Variants in MYO15B observed in about 807,000 individuals in gnomAD.
MYO15B encodes the protein myosin XVB pseudogene.
Under a neutral mutation model 119.3 loss-of-function variants are expected in MYO15B, and 207 were observed. The observed-to-expected ratio is 1.73, with a 90% CI of 1.55 to 1.95. The LOEUF (loss-of-function observed/expected upper bound fraction) is 1.95. Among genes scored for constraint, MYO15B ranks in the 30% most tolerant of loss-of-function variants. The probability of loss-of-function intolerance (pLI) is 0.00; values close to 1 mark genes in which losing one functional copy is unlikely to be tolerated. For missense variants in MYO15B, 2,264 were observed against 1,203.1 expected (o/e 1.88, Z -13.04); for synonymous variants, 966 against 498.9 (o/e 1.94, Z -12.48).
intron 9 of MYO15B, among the ~76,000 whole-genome samples, chr17:75,593,545 G>A (rs1043437645): frequency 6.6e-6 from 1 of 151,954 alleles, no homozygotes; most frequent in Non-Finnish European, 1.5e-5. Flanking sequence ...GGGAGGTGGA[G>A]GTGGCAGTGA....
At chr17:75,618,086 C>T (rs1255602925) in intron 42 of MYO15B, 40 bp from the exon 43 acceptor site, 9 of 702,502 alleles carry the variant, frequency 1.3e-5, no homozygotes, top group South Asian at 4.4e-5. Flanking sequence ...GGAAGAGGCA[C>T]CAGACCCACC....
chr17:75,588,581 G>A, exon 1 of MYO15B: 1 of 399,300 alleles, frequency 2.5e-6, no homozygotes, highest in East Asian at 3.6e-5. Flanking sequence ...AGCCAGCGCG[G>A]CACAGCCCGG....
Position 75,612,031 on chromosome 17 carries a change from C to G in MYO15B, c.4635+15C>G, listed in dbSNP as rs1217303730. On this transcript the variant is annotated intron_variant, in intron 25 of 63. Coordinates refer to ENST00000645453, the Ensembl canonical transcript of MYO15B. ...TCGGCTTTCAGGTGGGCGCCCAGGC[C>G]TAAGCTCTTCCCGCTGGCCTCACCG... The G allele has an allele frequency of 2.8e-6, 2 of 702,858 alleles. No homozygotes were observed. Among genetic ancestry groups the G allele is most frequent in the South Asian group, 3.0e-5 (2 of 67,600 alleles). 43.5% of individuals were successfully genotyped at this position (702,858 alleles called of 1,614,324 possible).
intron 47 of MYO15B, 34 bp from the exon 48 acceptor site, chr17:75,620,212 T>A: frequency 1.4e-6 from 1 of 702,244 alleles, no homozygotes; most frequent in East Asian, 2.7e-5. Context: ...ACAGGCAGAC[T>A]TGCTGCTCCA....
rs557008123 is a variant in MYO15B at position 75,589,463 on chromosome 17, G to A, written c.1406G>A (p.Arg469Gln). 34,370 of 397,530 alleles carry A rather than the reference G, an allele frequency of 0.086. 1,678 individuals carry two copies. Among genetic ancestry groups the A allele is most frequent in the Middle Eastern group, 0.15 (240 of 1,590 alleles). 24.6% of individuals were successfully genotyped at this position (397,530 alleles called of 1,614,324 possible). ...GGCTGCGGGAAAGCGGACGAGGGGCGGGGTCACGAGAGAGGTGACGAGGGC... is the reference window on the plus strand; with the variant it reads ...GGCTGCGGGAAAGCGGACGAGGGGCAGGGTCACGAGAGAGGTGACGAGGGC... The change falls in exon 1 of 64, where the codon CGG becomes CAG. Residue 469 changes from arginine (R) to glutamine (Q), a missense_variant. Transcript: ENST00000645453. The surrounding 1 kb of genome is among the most constrained non-coding windows in gnomAD (Gnocchi z 4.2).
At chr17:75,606,316 C>T (rs1434368085) in intron 21 of MYO15B, among the ~76,000 whole-genome samples, 2 of 151,392 alleles carry the variant, frequency 1.3e-5, no homozygotes, top group Non-Finnish European at 2.9e-5. Flanking sequence ...TGGGAACAAT[C>T]TTTGTTTTTT....
chr17:75,587,916 G>C (rs2056170988), exon 1 of MYO15B: 2 of 396,310 alleles, frequency 5.0e-6, no homozygotes, highest in East Asian at 7.1e-5. Context: ...CTGTAAGGCG[G>C]GCACCTCGGG....
At chr17:75,605,589 G>A (rs749460132) in exon 20 of MYO15B, 50 of 702,848 alleles carry the variant, frequency 7.1e-5, no homozygotes, top group Non-Finnish European at 1.1e-4. Flanking sequence ...GCTGGGGGCC[G>A]AATCACCTCT....
exon 46 of MYO15B, chr17:75,619,732 C>G (rs1178063803): frequency 1.4e-6 from 1 of 702,788 alleles, no homozygotes; most frequent in Non-Finnish European, 2.6e-6. Context: ...CCGTGGGCTG[C>G]GACTGCTCAA....
chr17:75,616,518 G>A lies in MYO15B; in HGVS notation c.6245-6G>A, dbSNP rs1272573859. 1.4e-6 allele frequency: 1 copy of A among 701,198 alleles called. No individual in the cohort carries two copies. The highest frequency in any genetic ancestry group is 2.6e-6 in the Non-Finnish European group (1 of 383,822). The allele number at this position is 701,198 out of a possible 1,614,324, so 43.4% of individuals were successfully genotyped here. On this transcript the variant is annotated splice_region_variant and splice_polypyrimidine_tract_variant and intron_variant, in intron 38 of 63. Coordinates refer to ENST00000645453, the Ensembl canonical transcript of MYO15B. ...CGGTTAACAGTCTTTCCTGTTTCCTGGTCAGTGCCGTCCCCTCCTCCTCCC... is the reference window on the plus strand; with the variant it reads ...CGGTTAACAGTCTTTCCTGTTTCCTAGTCAGTGCCGTCCCCTCCTCCTCCC...
At chr17:75,600,857 G>A (rs1272910008) in intron 14 of MYO15B, among the ~76,000 whole-genome samples, 1 of 149,820 alleles carries the variant, frequency 6.7e-6, no homozygotes. Flanking sequence ...AAGCGCTGCG[G>A]TTACAGGCAT....
chr17:75,616,492 G>A (rs1463242449), intron 38 of MYO15B, 32 bp from the exon 39 acceptor site: 5 of 683,618 alleles, frequency 7.3e-6, no homozygotes, highest in Admixed American at 4.2e-5. Context: ...GGCTCTGCAC[G>A]CGGTTAACAG....
At chr17:75,598,022 G>A (rs1223285149) in intron 14 of MYO15B, among the ~76,000 whole-genome samples, 2 of 152,134 alleles carry the variant, frequency 1.3e-5, no homozygotes, top group Non-Finnish European at 2.9e-5. Context: ...GTTGGGGGGC[G>A]TCATGAGCCT....
At chr17:75,598,634 C>T (rs1325908651) in intron 14 of MYO15B, among the ~76,000 whole-genome samples, 1 of 151,756 alleles carries the variant, frequency 6.6e-6, no homozygotes, top group Admixed American at 6.6e-5. Context: ...CAATACATGT[C>T]TTCATGTACT....
chr17:75,599,137 A>G (rs986304002), intron 14 of MYO15B, among the ~76,000 whole-genome samples: 6 of 152,122 alleles, frequency 3.9e-5, no homozygotes, highest in African/African-American at 7.2e-5. Flanking sequence ...GGCTCAAGCA[A>G]TCCTCCCACC....
Position 75,594,463 on chromosome 17 carries a change from C to T in MYO15B, c.2992-12C>T, listed in dbSNP as rs1450097867. ...GAAGCAGAGATCTCCCTGTCCCTCC[C>T]TCTCTGTGTAGCGAGAGTCCCAGGA... is the stretch of plus-strand genomic sequence containing the variant. On this transcript the variant is annotated splice_polypyrimidine_tract_variant and intron_variant, in intron 9 of 63. Transcript: ENST00000645453. 5.0e-6 allele frequency: 3 copies of T among 597,440 alleles called. No individual in the cohort carries two copies. Among genetic ancestry groups the T allele is most frequent in the East Asian group, 5.6e-5 (2 of 35,854 alleles). The allele number at this position is 597,440 out of a possible 1,614,324, so 37.0% of individuals were successfully genotyped here. A position where few individuals can be genotyped will look rare whatever the true frequency, so the allele number is the denominator to read the frequency against.
rs542455384 is a variant in MYO15B at position 75,617,030 on chromosome 17, C to T, written c.6595-55C>T. ...CTGGGGAGCTCAAGGCTCTCTGGGG[C>T]GAACTTGGCCTTGTGCTGTGACTCA... On this transcript the variant is annotated intron_variant, in intron 40 of 63. Coordinates refer to ENST00000645453, the Ensembl canonical transcript of MYO15B. The T allele has an allele frequency of 6.6e-5, 46 of 694,524 alleles. 1 individual carries two copies. The highest frequency in any genetic ancestry group is 5.8e-4 in the African/African-American group (33 of 57,242). 43.0% of individuals were successfully genotyped at this position (694,524 alleles called of 1,614,324 possible).
chr17:75,605,987 C>T lies in MYO15B; in HGVS notation c.4258C>T (p.Arg1420Trp), dbSNP rs533478415. Residue 1420 changes from arginine to tryptophan, a missense_variant, in exon 21 of 64, where the codon CGG becomes TGG. Physicochemically the swap from Arg to Trp is moderately radical, Grantham distance 101. Coordinates refer to ENST00000645453, the Ensembl canonical transcript of MYO15B. ...CATCTCCCGCCAGCGCGTCCTGCCC[C>T]GGATGCAGGCTCGCATGCGTGGGTT... The T allele has an allele frequency of 6.7e-4, 472 of 701,796 alleles. 1 individual carries two copies. The highest frequency in any genetic ancestry group is 1.0e-3 in the Non-Finnish European group (396 of 384,320). The allele number at this position is 701,796 out of a possible 1,614,324, so 43.5% of individuals were successfully genotyped here.
rs2056258909 is a variant in MYO15B, at chr17:75,589,211, G to C, written c.1154G>C (p.Arg385Pro). The C allele has an allele frequency of 2.7e-6, 1 of 370,774 alleles. No homozygotes were observed. The highest frequency in any genetic ancestry group is 4.6e-6 in the Non-Finnish European group (1 of 216,658). 23.0% of individuals were successfully genotyped at this position (370,774 alleles called of 1,614,324 possible). ...CTGCGCTGGCTGCGGCGGCGGCTGCGGCTGCGGCGGCGGCCGCCAGAGGGC... is the reference window on the plus strand; with the variant it reads ...CTGCGCTGGCTGCGGCGGCGGCTGCCGCTGCGGCGGCGGCCGCCAGAGGGC... Residue 385 changes from arginine to proline, a missense_variant, in exon 1 of 64, where the codon CGG becomes CCG. By Grantham distance (103) the Arg-to-Pro change is moderately radical. Coordinates refer to ENST00000645453, the Ensembl canonical transcript of MYO15B. The surrounding 1 kb of genome is among the most constrained non-coding windows in gnomAD (Gnocchi z 4.2).
Sources: allele counts gnomAD v4.1 joint callset (sites outside exome capture counted in the v4.1 genomes callset), GRCh38; gene constraint gnomAD v4.1.1; non-coding constraint Gnocchi (gnomAD v3.1); transcripts MANE v1.5; gene names NCBI Gene and HGNC (gene_info 2026-07-23, HGNC 2026-07-21).